CDC42BPA: variants seen among roughly 807,000 people sequenced by gnomAD.
CDC42BPA encodes serine/threonine-protein kinase MRCK alpha.
In CDC42BPA, 80 loss-of-function variants were observed where a neutral mutation model predicts 223.5. The ratio of observed to expected loss-of-function variants is 0.36; its 90% CI spans 0.30 to 0.43. The LOEUF (loss-of-function observed/expected upper bound fraction) is 0.43, where lower values mean the gene tolerates loss of function less well. CDC42BPA is among the 20% of genes least tolerant of loss of function. CDC42BPA has a pLI of 1.00. For missense variants in CDC42BPA, 1,743 were observed against 2,099.9 expected, an observed-to-expected ratio of 0.83 and a Z score of 3.32; for synonymous variants, 694 against 718.6, an observed-to-expected ratio of 0.97 and a Z score of 0.55.
intron 8 of CDC42BPA, among the ~76,000 whole-genome samples, 169 bp downstream of exon 8, chr1:227,145,316 ACTTT>A (rs1660523150): frequency 6.6e-6 from 1 of 152,182 alleles, no homozygotes; most frequent in South Asian, 2.1e-4. Flanking sequence ...ACCTCAGTTA[ACTTT>A]CTTCTTAATT....
chr1:227,023,137 T>C, intron 32 of CDC42BPA, 126 bp downstream of exon 32: 1 of 546,822 alleles, frequency 1.8e-6, no homozygotes, highest in South Asian at 2.3e-5. Context: ...CATCATAGAC[T>C]TGGAGTAAGA....
chr1:227,006,990 A>C (rs142650781), intron 34 of CDC42BPA, among the ~76,000 whole-genome samples: 68 of 141,270 alleles, frequency 4.8e-4, no homozygotes, highest in Middle Eastern at 7.7e-3. Flanking sequence ...CAACAACAAC[A>C]ACCCCCCAGC....
chr1:227,241,226 A>G (rs1290420165), intron 2 of CDC42BPA, among the ~76,000 whole-genome samples: 3 of 152,176 alleles, frequency 2.0e-5, no homozygotes, highest in Non-Finnish European at 4.4e-5. Context: ...AATATTAGGC[A>G]AGAACAGGGC....
chr1:227,149,876 A>AT (rs1316433652), intron 6 of CDC42BPA, among the ~76,000 whole-genome samples: 6 of 152,156 alleles, frequency 3.9e-5, no homozygotes, highest in Non-Finnish European at 5.9e-5. Context: ...CAAAGCTTAA[A>AT]TTTTTTCAAG....
intron 2 of CDC42BPA, among the ~76,000 whole-genome samples, chr1:227,221,056 A>G (rs1231916359): frequency 1.3e-5 from 2 of 152,092 alleles, no homozygotes; most frequent in African/African-American, 4.8e-5. Context: ...TCTAATTTCT[A>G]TTTCACTCTA....
chr1:227,032,817 T>C (rs1282127531), intron 27 of CDC42BPA, among the ~76,000 whole-genome samples: 2 of 152,106 alleles, frequency 1.3e-5, no homozygotes, highest in Non-Finnish European at 2.9e-5. Flanking sequence ...AGCAAGGTCA[T>C]TAGATGTTCT....
At chr1:227,085,198 C>G (rs919222586) in intron 16 of CDC42BPA, among the ~76,000 whole-genome samples, 6 of 152,196 alleles carry the variant, frequency 3.9e-5, no homozygotes, top group Middle Eastern at 3.4e-3. Context: ...TCCCACCCCC[C>G]ACATACACTC....
chr1:227,098,369 C>T (rs1684401696), intron 15 of CDC42BPA, among the ~76,000 whole-genome samples: 2 of 152,126 alleles, frequency 1.3e-5, no homozygotes, highest in Admixed American at 1.3e-4. Flanking sequence ...TTACCTCCTG[C>T]CCCCAAATCC....
At chr1:227,048,303 A>T (rs1289022799) in intron 22 of CDC42BPA, among the ~76,000 whole-genome samples, 1 of 152,076 alleles carries the variant, frequency 6.6e-6, no homozygotes, top group Non-Finnish European at 1.5e-5. Context: ...AAGCCATAGC[A>T]TGTGGCCTAC....
At chr1:227,016,012 T>G (rs1286579520) in intron 34 of CDC42BPA, 68 bp downstream of exon 34, 14 of 792,118 alleles carry the variant, frequency 1.8e-5, no homozygotes, top group Non-Finnish European at 2.9e-5. Flanking sequence ...TACCCATGTA[T>G]TTAAGCCTAT....
At chr1:227,203,142 T>C (rs1045610615) in intron 3 of CDC42BPA, among the ~76,000 whole-genome samples, 1 of 152,152 alleles carries the variant, frequency 6.6e-6, no homozygotes, top group Non-Finnish European at 1.5e-5. Flanking sequence ...AGCATATACA[T>C]ATTTTTAAGC....
intron 2 of CDC42BPA, among the ~76,000 whole-genome samples, chr1:227,237,346 C>T (rs900939420): frequency 6.6e-6 from 1 of 152,100 alleles, no homozygotes; most frequent in Non-Finnish European, 1.5e-5. Context: ...AGTGTCACTC[C>T]CACTCCTGTC....
At chr1:227,036,298 AT>A (rs1670209025) in intron 24 of CDC42BPA, among the ~76,000 whole-genome samples, 1 of 151,802 alleles carries the variant, frequency 6.6e-6, no homozygotes, top group Admixed American at 6.6e-5. Context: ...AATGCACTTT[AT>A]TTATTTATTA....
At chr1:227,041,148 A>AT (rs1464231926) in intron 23 of CDC42BPA, among the ~76,000 whole-genome samples, 2 of 152,022 alleles carry the variant, frequency 1.3e-5, no homozygotes, top group African/African-American at 4.8e-5. Flanking sequence ...CTCAAAAAAA[A>AT]ATAATTTCAA....
At chr1:227,167,932 CTT>C (rs5781476) in intron 5 of CDC42BPA, among the ~76,000 whole-genome samples, 1 of 148,194 alleles carries the variant, frequency 6.7e-6, no homozygotes, top group African/African-American at 2.5e-5. Flanking sequence ...TTCTTCTGTT[CTT>C]TTTTTTTTTA....
intron 2 of CDC42BPA, among the ~76,000 whole-genome samples, chr1:227,222,052 CAAAAAA>C (rs60588018): frequency 0.17 from 14,702 of 86,386 alleles, 956 homozygotes; most frequent in Middle Eastern, 0.34. Flanking sequence ...CTATCTCTAC[CAAAAAA>C]AAAAAAAAAA....
intron 20 of CDC42BPA, among the ~76,000 whole-genome samples, chr1:227,070,733 A>C (rs1323789469): frequency 6.6e-6 from 1 of 151,888 alleles, no homozygotes; most frequent in Non-Finnish European, 1.5e-5. Flanking sequence ...TAAATATCAC[A>C]TTATATTACT....
chr1:227,222,889 A>G (rs1676187616), intron 2 of CDC42BPA, among the ~76,000 whole-genome samples: 1 of 152,200 alleles, frequency 6.6e-6, no homozygotes, highest in Non-Finnish European at 1.5e-5. Flanking sequence ...CAGAGAGCCA[A>G]AGGTTGGACC....
chr1:227,133,937 G>T (rs1171693031), intron 10 of CDC42BPA, among the ~76,000 whole-genome samples: 6 of 142,616 alleles, frequency 4.2e-5, no homozygotes. Flanking sequence ...CCCCCTCTGC[G>T]AGAAACACCC....
Sources: gnomAD v4.1 joint callset for allele counts (sites outside exome capture counted in the v4.1 genomes callset) on GRCh38, gnomAD v4.1.1 for gene constraint, MANE v1.5 for transcripts, NCBI Gene and HGNC (gene_info 2026-07-23, HGNC 2026-07-21) for gene names.